TCF12: variants seen among roughly 807,000 people sequenced by gnomAD.
TCF12 encodes the protein transcription factor 12, also known as DNA-binding protein HTF4.
A neutral mutation model predicts 86.0 loss-of-function variants in TCF12; 45 were observed. The observed-to-expected ratio is 0.52, with a 90% confidence interval of 0.41 to 0.67. TCF12 has a LOEUF of 0.67. TCF12 is among the 30% of genes least tolerant of loss of function. The pLI is 0.00. For synonymous variants in TCF12, 330 were observed against 299.6 expected (o/e 1.10, Z -1.05); for missense variants, 881 against 859.9 (o/e 1.02, Z -0.31).
chr15:56,938,762 A>C (rs1028998974), intron 3 of TCF12, among the ~76,000 whole-genome samples: 1 of 151,032 alleles, frequency 6.6e-6, no homozygotes, highest in Non-Finnish European at 1.5e-5. Context: ...CAAAGGCCCT[A>C]TCTCCATTGG....
intron 6 of TCF12, among the ~76,000 whole-genome samples, chr15:57,190,932 T>G (rs2056948858): frequency 6.6e-6 from 1 of 152,160 alleles, no homozygotes; most frequent in Non-Finnish European, 1.5e-5. Flanking sequence ...AAGATGAATT[T>G]TATCAGAGAT....
At chr15:56,946,159 A>G (rs1275294107) in intron 3 of TCF12, among the ~76,000 whole-genome samples, 3 of 152,152 alleles carry the variant, frequency 2.0e-5, no homozygotes, top group East Asian at 3.9e-4. Context: ...AAATTTGAAA[A>G]CATTTCGGCT....
chr15:57,179,226 CCTGTAATCCCAGCATTTTG>C (rs1187099270), intron 6 of TCF12, among the ~76,000 whole-genome samples: 1 of 152,082 alleles, frequency 6.6e-6, no homozygotes, highest in Non-Finnish European at 1.5e-5. Context: ...GGGACTCATG[CCTGTAATCCCAGCATTTTG>C]GGAGGCTGAG....
intron 5 of TCF12, among the ~76,000 whole-genome samples, chr15:57,147,964 T>C (rs966856801): frequency 3.3e-5 from 5 of 150,100 alleles, no homozygotes; most frequent in African/African-American, 1.2e-4. Context: ...CATTTCAGCC[T>C]CCAAATCCTG....
chr15:57,130,357 T>C (rs1418765518), intron 5 of TCF12, among the ~76,000 whole-genome samples: 1 of 152,138 alleles, frequency 6.6e-6, no homozygotes, highest in Non-Finnish European at 1.5e-5. Flanking sequence ...TTTTTTTTTG[T>C]GGATTTTAGA....
chr15:57,235,331 G>C (rs1160899149), intron 12 of TCF12, among the ~76,000 whole-genome samples: 2 of 152,204 alleles, frequency 1.3e-5, no homozygotes, highest in African/African-American at 4.8e-5. Context: ...CCACATTACA[G>C]ATGAGGAACT....
intron 3 of TCF12, among the ~76,000 whole-genome samples, chr15:57,044,361 A>C (rs1182940553): frequency 3.3e-5 from 5 of 152,178 alleles, no homozygotes; most frequent in Non-Finnish European, 5.9e-5. Flanking sequence ...CAGGAGTTTG[A>C]GATAAGACTG....
chr15:56,934,518 G>A (rs564669946), intron 3 of TCF12, among the ~76,000 whole-genome samples: 5 of 152,236 alleles, frequency 3.3e-5, no homozygotes, highest in South Asian at 4.1e-4. Context: ...TGCTGATGAC[G>A]CTGCTGTTTC....
intron 18 of TCF12, among the ~76,000 whole-genome samples, chr15:57,265,127 GTA>G (rs2060801962): frequency 1.1e-5 from 1 of 90,910 alleles, no homozygotes. Context: ...GTATAGTATA[GTA>G]TAGTATAAAT....
At chr15:57,241,344 G>A (rs377596229) in intron 12 of TCF12, among the ~76,000 whole-genome samples, 5 of 152,012 alleles carry the variant, frequency 3.3e-5, no homozygotes, top group African/African-American at 9.6e-5. Flanking sequence ...CACCTGCCTC[G>A]GCCTCCCAAA....
intron 8 of TCF12, among the ~76,000 whole-genome samples, chr15:57,198,456 T>C (rs1461088974): frequency 9.9e-5 from 15 of 152,160 alleles, no homozygotes; most frequent in Admixed American, 9.8e-4. Context: ...TAAAGGGCTT[T>C]GATGAAGAAG....
intron 19 of TCF12, among the ~76,000 whole-genome samples, chr15:57,278,948 T>C (rs1219740321): frequency 6.6e-6 from 1 of 151,192 alleles, no homozygotes; most frequent in African/African-American, 2.4e-5. Context: ...CTTCCTTTTT[T>C]TTTTTTCTCC....
chr15:57,084,207 A>G (rs1246516500), intron 4 of TCF12, among the ~76,000 whole-genome samples: 1 of 152,240 alleles, frequency 6.6e-6, no homozygotes, highest in Non-Finnish European at 1.5e-5. Flanking sequence ...GTTGATTTAT[A>G]GTAGTAGAAG....
chr15:57,106,000 C>G (rs1206466771), intron 5 of TCF12, among the ~76,000 whole-genome samples: 2 of 152,092 alleles, frequency 1.3e-5, no homozygotes, highest in Non-Finnish European at 2.9e-5. Context: ...CCAAAGCAGC[C>G]AGAAATTAGA....
At chr15:57,014,696 G>A (rs2065042758) in intron 3 of TCF12, among the ~76,000 whole-genome samples, 1 of 152,050 alleles carries the variant, frequency 6.6e-6, no homozygotes. Context: ...GGTCTTAGGG[G>A]ATTAAGAATT....
Position 57,288,236 on chromosome 15 carries a change from G to C in TCF12, c.*2091G>C, listed in dbSNP as rs1356320005. ...TCATTAATATCAGAAATTTACAATA[G>C]CATTTTAAGACCATAGTAGGATTCT... On this transcript the variant is annotated 3_prime_UTR_variant, in exon 21 of 21. Transcript: ENST00000333725. 6.6e-6 allele frequency: 1 copy of C among 152,514 alleles called. No individual in the cohort carries two copies. The highest frequency in any genetic ancestry group is 1.5e-5 in the Non-Finnish European group (1 of 68,016). 9.4% of individuals were successfully genotyped at this position (152,514 alleles called of 1,614,324 possible). A position where few individuals can be genotyped will look rare whatever the true frequency, so the allele number is the denominator to read the frequency against.
chr15:57,138,550 A>T (rs56108460), intron 5 of TCF12, among the ~76,000 whole-genome samples: 152,080 of 152,326 alleles, frequency 1, 75,919 homozygotes, highest in East Asian at 1. Context: ...ATCTAACCGA[A>T]AGGAAAAGTG....
At chr15:56,991,327 A>G (rs1474234856) in intron 3 of TCF12, among the ~76,000 whole-genome samples, 2 of 152,152 alleles carry the variant, frequency 1.3e-5, no homozygotes, top group Non-Finnish European at 2.9e-5. Flanking sequence ...TTTCCATCTA[A>G]TGACTAGTGT....
intron 5 of TCF12, among the ~76,000 whole-genome samples, chr15:57,106,996 A>G (rs1192033939): frequency 6.6e-6 from 1 of 152,266 alleles, no homozygotes; most frequent in Non-Finnish European, 1.5e-5. Context: ...GTCACTTTGG[A>G]AGACAGTTTG....
Sources: gnomAD v4.1 joint callset for allele counts (sites outside exome capture counted in the v4.1 genomes callset) on GRCh38, gnomAD v4.1.1 for gene constraint, MANE v1.5 for transcripts, NCBI Gene and HGNC (gene_info 2026-07-23, HGNC 2026-07-21) for gene names.